Variants in GALNTL6 observed in about 807,000 individuals in gnomAD.
The protein encoded by GALNTL6 is polypeptide N-acetylgalactosaminyltransferase-like 6.
In GALNTL6, 46 loss-of-function variants were observed where a neutral mutation model predicts 73.7. That is an observed-to-expected ratio of 0.62 (90% CI 0.49 to 0.80). The LOEUF is 0.80. Among genes scored for constraint, GALNTL6 ranks in the 30% least tolerant of loss-of-function variants. GALNTL6 has a pLI of 0.00. For synonymous variants in GALNTL6, 259 were observed against 263.7 expected (o/e 0.98, Z 0.17); for missense variants, 604 against 755.0 (o/e 0.80, Z 2.34).
chr4:172,975,765 A>C (rs1173855010), intron 10 of GALNTL6, among the ~76,000 whole-genome samples: 1 of 152,096 alleles, frequency 6.6e-6, no homozygotes. Context: ...CTGGCATGTC[A>C]GTGCCATCCG....
chr4:171,932,424 G>A (rs989485927), intron 2 of GALNTL6, among the ~76,000 whole-genome samples: 1 of 152,110 alleles, frequency 6.6e-6, no homozygotes, highest in Non-Finnish European at 1.5e-5. Flanking sequence ...GACTCTGTTC[G>A]TTATCAACTG....
intron 2 of GALNTL6, among the ~76,000 whole-genome samples, chr4:171,874,580 C>A (rs1483239677): frequency 6.6e-6 from 1 of 152,138 alleles, no homozygotes; most frequent in Non-Finnish European, 1.5e-5. Flanking sequence ...TATTCCTGAT[C>A]ATCAACCATG....
intron 3 of GALNTL6, among the ~76,000 whole-genome samples, chr4:172,238,412 G>A (rs181478561): frequency 8.2e-4 from 125 of 152,086 alleles, no homozygotes; most frequent in Middle Eastern, 3.4e-3. Flanking sequence ...GGATGTTGCT[G>A]GTGTATAGAA....
chr4:172,214,663 T>C (rs1397848848), intron 2 of GALNTL6, among the ~76,000 whole-genome samples: 1 of 151,830 alleles, frequency 6.6e-6, no homozygotes, highest in African/African-American at 2.4e-5. Flanking sequence ...TACAGGTACA[T>C]GCTCCCATGC....
intron 2 of GALNTL6, among the ~76,000 whole-genome samples, chr4:172,167,593 T>C (rs1365524139): frequency 1.3e-5 from 2 of 152,184 alleles, no homozygotes; most frequent in East Asian, 3.8e-4. Context: ...ATGTGGCCTG[T>C]AAATGGAGCA....
chr4:172,239,588 G>A (rs1333398401), intron 3 of GALNTL6, among the ~76,000 whole-genome samples: 4 of 151,746 alleles, frequency 2.6e-5, no homozygotes, highest in Admixed American at 2.6e-4. Flanking sequence ...ATTTCATTCG[G>A]TTCTGCTCCG....
chr4:172,888,851 G>T (rs1457512280), intron 8 of GALNTL6, among the ~76,000 whole-genome samples: 1 of 152,116 alleles, frequency 6.6e-6, no homozygotes, highest in Non-Finnish European at 1.5e-5. Flanking sequence ...GTTTTGGATA[G>T]TATGACTATT....
intron 2 of GALNTL6, among the ~76,000 whole-genome samples, chr4:171,845,092 A>G (rs1735336117): frequency 6.6e-6 from 1 of 152,204 alleles, no homozygotes; most frequent in African/African-American, 2.4e-5. Context: ...TTTGTGTACT[A>G]ATGAATTCAT....
rs570396744 is a variant in GALNTL6 at position 171,985,651 on chromosome 4, C to T, written c.138+170933C>T. On this transcript the variant is annotated intron_variant, in intron 2 of 12. Coordinates refer to ENST00000506823, the MANE Select transcript of GALNTL6 (RefSeq NM_001034845.3). The stretch of plus-strand genomic sequence containing the variant: ...ACCCACTACATGTTTGAATTCCAGG[C>T]ATTTTGATGTTTGTTTGAGAGATAT... Among the ~76,000 whole-genome samples the T allele has an allele frequency of 1.6e-4, 24 of 152,040 alleles. No homozygotes were observed. The East Asian group carries it at 4.2e-3, about 27-fold the overall frequency.
intron 7 of GALNTL6, among the ~76,000 whole-genome samples, chr4:172,831,854 CACA>C (rs1348738818): frequency 3.9e-5 from 6 of 152,172 alleles, no homozygotes; most frequent in Admixed American, 1.3e-4. Context: ...CATGTGAAGA[CACA>C]ACAAGACGTC....
Position 172,079,403 on chromosome 4 carries a change from A to G in GALNTL6, c.139-150253A>G, listed in dbSNP as rs1579116913. On this transcript the variant is annotated intron_variant, in intron 2 of 12. Coordinates refer to ENST00000506823, the MANE Select transcript of GALNTL6 (RefSeq NM_001034845.3). The stretch of plus-strand genomic sequence containing the variant: ...GTTATTTTAGATACTTTACTATTAT[A>G]TATAATGCCTTTATGTATATCTTTG... Among the ~76,000 whole-genome samples, 5 of 152,204 alleles carry G rather than the reference A, an allele frequency of 3.3e-5. No homozygotes were observed. The East Asian group carries it at 5.8e-4, about 18-fold the overall frequency.
In GALNTL6 at chr4:172,719,883, A is replaced by T. The variant is rs574929927; in HGVS notation, c.554-89478A>T. ...GTTATTTCTGATGATATGCTAAACA[A>T]GGGGTGGATTATTCATGCCTCCCCT... is the stretch of plus-strand genomic sequence containing the variant. On this transcript the variant is annotated intron_variant, in intron 5 of 12. Transcript: ENST00000506823. 5.3e-5 allele frequency among the ~76,000 whole-genome samples: 8 copies of T among 152,302 alleles called. No homozygotes were observed. In the South Asian group the frequency reaches 1.7e-3, roughly 32 times the overall value.
intron 2 of GALNTL6, among the ~76,000 whole-genome samples, chr4:171,829,027 T>A (rs1734896996): frequency 6.6e-6 from 1 of 152,196 alleles, no homozygotes; most frequent in Non-Finnish European, 1.5e-5. Context: ...TATGCATTAA[T>A]TGACAGTTTA....
Position 172,845,242 on chromosome 4 carries a change from A to T in GALNTL6, c.923+31519A>T, listed in dbSNP as rs75872369. On this transcript the variant is annotated intron_variant, in intron 7 of 12. Transcript: ENST00000506823. ...AAAAAAAAAAAAAAAAAAGAAAAAG[A>T]AAAAGAAAACAGAAAAAGATTCACC... 3.2e-4 allele frequency among the ~76,000 whole-genome samples: 49 copies of T among 152,008 alleles called. No homozygotes were observed. In the East Asian group the frequency reaches 8.1e-3, roughly 25 times the overall value.
intron 2 of GALNTL6, among the ~76,000 whole-genome samples, chr4:172,170,532 CAG>C (rs1734781677): frequency 8.0e-6 from 1 of 124,368 alleles, no homozygotes. Context: ...TTTTTTGAGA[CAG>C]AGTCTCGCTC....
chr4:172,709,168 G>T (rs1734543302), intron 5 of GALNTL6, among the ~76,000 whole-genome samples: 1 of 151,996 alleles, frequency 6.6e-6, no homozygotes, highest in African/African-American at 2.4e-5. Context: ...TGGCCTTCTT[G>T]GTCTCTCCTC....
intron 7 of GALNTL6, among the ~76,000 whole-genome samples, chr4:172,865,570 A>G (rs997902218): frequency 6.6e-6 from 1 of 152,250 alleles, no homozygotes; most frequent in African/African-American, 2.4e-5. Flanking sequence ...CAACAACTAT[A>G]ATTGTGATAT....
At chr4:172,943,164 G>A (rs1433955267) in intron 9 of GALNTL6, among the ~76,000 whole-genome samples, 2 of 150,942 alleles carry the variant, frequency 1.3e-5, no homozygotes, top group Non-Finnish European at 2.9e-5. Context: ...TGTTCTCTTG[G>A]ATGACTTGCT....
At position 172,413,655 on chromosome 4, in the gene GALNTL6, GTTT is replaced by G. The variant is rs70944408; in HGVS notation, c.553+64981_553+64983del. Among the ~76,000 whole-genome samples, 66 of 126,180 alleles carry G rather than the reference GTTT, an allele frequency of 5.2e-4. 1 individual carries two copies. Among genetic ancestry groups the G allele is most frequent in the Admixed American group, 7.2e-4 (9 of 12,470 alleles). The allele number at this position is 126,180 out of a possible 152,430, so 82.8% of individuals were successfully genotyped here. ...GTTGTAATTTATCTTCTTTGTATTAGTTTTTTTTTTTTTTTTTGCTATCTGTGA... is the reference window on the plus strand; with the variant it reads ...GTTGTAATTTATCTTCTTTGTATTAGTTTTTTTTTTTTTTGCTATCTGTGA... On this transcript the variant is annotated intron_variant, in intron 5 of 12. Transcript: ENST00000506823.
Sources: gnomAD v4.1 joint callset for allele counts (sites outside exome capture counted in the v4.1 genomes callset) on GRCh38, gnomAD v4.1.1 for gene constraint, MANE v1.5 for transcripts, NCBI Gene and HGNC (gene_info 2026-07-23, HGNC 2026-07-21) for gene names.